The following SLC44A5 variants were observed in gnomAD, a reference collection of about 807,000 sequenced individuals.
SLC44A5 encodes the protein solute carrier family 44 member 5.
Under a neutral mutation model 101.8 loss-of-function variants are expected in SLC44A5, and 57 were observed. The ratio of observed to expected loss-of-function variants is 0.56; its 90% CI spans 0.45 to 0.70. The LOEUF is 0.70. SLC44A5 is among the 30% of genes least tolerant of loss of function. The pLI is 0.00. For missense variants in SLC44A5, 737 were observed against 853.1 expected, an observed-to-expected ratio of 0.86 and a Z score of 1.70; for synonymous variants, 281 against 290.9, an observed-to-expected ratio of 0.97 and a Z score of 0.35.
At chr1:75,415,141 A>G (rs1663553511) in intron 2 of SLC44A5, among the ~76,000 whole-genome samples, 1 of 152,182 alleles carries the variant, frequency 6.6e-6, no homozygotes, top group South Asian at 2.1e-4. Context: ...TTTGACGGGT[A>G]AAAGTGACAT....
the SLC44A5 span, among the ~76,000 whole-genome samples, chr1:75,649,993 A>C: frequency 6.6e-6 from 1 of 151,284 alleles, no homozygotes; most frequent in African/African-American, 2.4e-5. Flanking sequence ...ATAACAATCC[A>C]CTCTTGTGTG....
rs1329353740 is a variant in SLC44A5 at position 75,510,943 on chromosome 1, C to A, written c.13+30492G>T. 2.6e-5 allele frequency among the ~76,000 whole-genome samples: 4 copies of A among 152,230 alleles called. 1 individual carries two copies. In the Middle Eastern group the frequency reaches 0.01, roughly 388 times the overall value. On this transcript the variant is annotated intron_variant, in intron 2 of 23. Coordinates refer to ENST00000370859, the MANE Select transcript of SLC44A5 (RefSeq NM_001130058.2). The stretch of plus-strand genomic sequence containing the variant: ...GGATGACGAGGTTAGGAGATCGAGA[C>A]CATCCTGGCTAACACGGTGAAACCC...
intron 6 of SLC44A5, among the ~76,000 whole-genome samples, chr1:75,272,234 T>C (rs1651536494): frequency 6.6e-6 from 1 of 152,060 alleles, no homozygotes; most frequent in Non-Finnish European, 1.5e-5. Flanking sequence ...AGATGCATAG[T>C]TTGCAAATAC....
intron 2 of SLC44A5, among the ~76,000 whole-genome samples, chr1:75,478,259 A>G (rs1470245039): frequency 1.3e-5 from 2 of 152,294 alleles, no homozygotes; most frequent in African/African-American, 4.8e-5. Flanking sequence ...GAAGCACTAA[A>G]CATGGAAAGG....
rs547287136 is a variant in SLC44A5 at position 75,399,910 on chromosome 1, A to G, written c.14-3289T>C. Among the ~76,000 whole-genome samples, 3 of 152,344 alleles carry G rather than the reference A, an allele frequency of 2.0e-5. No individual in the cohort carries two copies. The South Asian group carries it at 6.2e-4, about 32-fold the overall frequency. On this transcript the variant is annotated intron_variant, in intron 2 of 23. Coordinates refer to ENST00000370859, the MANE Select transcript of SLC44A5 (RefSeq NM_001130058.2). ...TGTTTATTGCAGAACTGTTCGAAAT[A>G]CCAAAGTTATTGAATCAACCTAAGT...
chr1:75,405,020 A>G (rs1662752896), intron 2 of SLC44A5, among the ~76,000 whole-genome samples: 3 of 152,256 alleles, frequency 2.0e-5, no homozygotes, highest in Admixed American at 2.0e-4. Context: ...AGCAAATGGA[A>G]AGCAAAAAGA....
At chr1:75,691,978 G>A in the SLC44A5 span, among the ~76,000 whole-genome samples, 1 of 152,068 alleles carries the variant, frequency 6.6e-6, no homozygotes. Context: ...TCAGTACATA[G>A]CATGCTTCAT....
chr1:75,662,107 A>G, the SLC44A5 span, among the ~76,000 whole-genome samples: 1 of 152,170 alleles, frequency 6.6e-6, no homozygotes, highest in East Asian at 1.9e-4. Context: ...AGTGTCCATC[A>G]ATAGATAAAC....
intron 2 of SLC44A5, among the ~76,000 whole-genome samples, chr1:75,475,158 G>A (rs973342333): frequency 2.0e-4 from 31 of 152,258 alleles, no homozygotes; most frequent in African/African-American, 7.2e-4. Flanking sequence ...ATGATCTTAC[G>A]CCTCATCTCT....
At chr1:75,527,837 A>G (rs1455468795) in intron 2 of SLC44A5, among the ~76,000 whole-genome samples, 1 of 152,178 alleles carries the variant, frequency 6.6e-6, no homozygotes, top group East Asian at 1.9e-4. Context: ...GACCTTTTGT[A>G]TCACATATAC....
At chr1:75,593,770 T>C (rs1674486222) in intron 1 of SLC44A5, among the ~76,000 whole-genome samples, 1 of 152,028 alleles carries the variant, frequency 6.6e-6, no homozygotes, top group Non-Finnish European at 1.5e-5. Context: ...CACTTATTCA[T>C]GGGATCTAAA....
intron 2 of SLC44A5, among the ~76,000 whole-genome samples, chr1:75,417,260 A>C (rs1465632226): frequency 6.6e-6 from 1 of 152,080 alleles, no homozygotes; most frequent in Non-Finnish European, 1.5e-5. Context: ...TAAAAATGAG[A>C]GTCTCTCTGC....
the SLC44A5 span, among the ~76,000 whole-genome samples, chr1:75,681,517 T>C: frequency 2.6e-5 from 4 of 151,478 alleles, no homozygotes; most frequent in Admixed American, 2.0e-4. Context: ...CACATGATTA[T>C]CTCAATAGAT....
chr1:75,508,937 T>C (rs752549696), intron 2 of SLC44A5, among the ~76,000 whole-genome samples: 3 of 152,162 alleles, frequency 2.0e-5, no homozygotes, highest in Non-Finnish European at 4.4e-5. Flanking sequence ...TTCTAGACCT[T>C]CTGAAGAAGG....
At chr1:75,504,105 T>C (rs775543471) in intron 2 of SLC44A5, among the ~76,000 whole-genome samples, 2 of 152,180 alleles carry the variant, frequency 1.3e-5, no homozygotes, top group Non-Finnish European at 2.9e-5. Context: ...TTTATAACTC[T>C]AAATCGGCAA....
the SLC44A5 span, among the ~76,000 whole-genome samples, chr1:75,723,100 T>C: frequency 6.6e-6 from 1 of 152,166 alleles, no homozygotes; most frequent in African/African-American, 2.4e-5. Context: ...TCTAAGTTGC[T>C]AGCCAATCAG....
the SLC44A5 span, among the ~76,000 whole-genome samples, chr1:75,645,194 A>T: frequency 6.6e-6 from 1 of 152,196 alleles, no homozygotes. Context: ...TCCCTGAGGA[A>T]TCGCCACACT....
At chr1:75,234,146 G>A (rs10493566) in intron 11 of SLC44A5, 48 bp from the exon 12 acceptor site, 334,028 of 1,307,006 alleles carry the variant, frequency 0.26, 44,746 homozygotes, top group Middle Eastern at 0.35. Flanking sequence ...GCTAAACACA[G>A]CATATTACAA....
At chr1:75,288,775 C>T (rs757875022) in intron 5 of SLC44A5, among the ~76,000 whole-genome samples, 5 of 152,242 alleles carry the variant, frequency 3.3e-5, no homozygotes, top group South Asian at 2.1e-4. Flanking sequence ...CTCCTTTTTC[C>T]GATAAGTGGA....
Sources: gnomAD v4.1 joint callset for allele counts (sites outside exome capture counted in the v4.1 genomes callset) on GRCh38, gnomAD v4.1.1 for gene constraint, MANE v1.5 for transcripts, NCBI Gene and HGNC (gene_info 2026-07-23, HGNC 2026-07-21) for gene names.